The following LYN variants were observed in gnomAD, a reference collection of about 807,000 sequenced individuals.
LYN encodes tyrosine-protein kinase Lyn.
In LYN, 12 loss-of-function variants were observed where a neutral mutation model predicts 65.0. The observed-to-expected ratio is 0.18, with a 90% confidence interval of 0.12 to 0.30. The LOEUF is 0.30. Among genes scored for constraint, LYN ranks in the 10% least tolerant of loss-of-function variants. LYN has a pLI of 1.00. For synonymous variants in LYN, 222 were observed against 221.2 expected, an observed-to-expected ratio of 1.00 and a Z score of -0.03; for missense variants, 380 against 623.2, an observed-to-expected ratio of 0.61 and a Z score of 4.16.
intron 1 of LYN, among the ~76,000 whole-genome samples, chr8:55,901,274 G>GA (rs1805253941): frequency 6.6e-6 from 1 of 152,142 alleles, no homozygotes; most frequent in Non-Finnish European, 1.5e-5. Context: ...TTTAAAACAG[G>GA]AAAATTGATA....
At chr8:55,906,153 CT>C (rs1262394422) in intron 1 of LYN, among the ~76,000 whole-genome samples, 3 of 152,130 alleles carry the variant, frequency 2.0e-5, no homozygotes, top group Non-Finnish European at 4.4e-5. Context: ...TCTGAGCCAT[CT>C]TTTGCCATCT....
chr8:55,971,105 G>C (rs75299198), intron 10 of LYN, among the ~76,000 whole-genome samples: 5,572 of 152,274 alleles, frequency 0.037, 382 homozygotes, highest in African/African-American at 0.13. Context: ...AGCCTAACAG[G>C]TTCCTCATCT....
chr8:55,966,421 G>A (rs1414470301), intron 8 of LYN, among the ~76,000 whole-genome samples: 1 of 150,910 alleles, frequency 6.6e-6, no homozygotes, highest in Non-Finnish European at 1.5e-5. Flanking sequence ...AGGCTGGAAT[G>A]CAATGGTGCG....
intron 10 of LYN, among the ~76,000 whole-genome samples, chr8:55,997,568 AC>A (rs1371419544): frequency 2.6e-5 from 4 of 152,092 alleles, no homozygotes; most frequent in Non-Finnish European, 4.4e-5. Context: ...TGAGGGCTCC[AC>A]CGTCCTGATC....
chr8:55,938,310 C>CTA (rs2130466342), intron 1 of LYN, among the ~76,000 whole-genome samples: 1 of 152,304 alleles, frequency 6.6e-6, no homozygotes, highest in Admixed American at 6.5e-5. Flanking sequence ...GCCTCAGTTA[C>CTA]TATCTTGTTT....
chr8:55,907,805 G>A (rs1015278373), intron 1 of LYN, among the ~76,000 whole-genome samples: 3 of 152,140 alleles, frequency 2.0e-5, no homozygotes, highest in Admixed American at 6.5e-5. Context: ...GGTCGAGGCT[G>A]CAGTGAGCTG....
chr8:55,984,408 C>G (rs78998014), intron 10 of LYN, among the ~76,000 whole-genome samples: 1 of 152,208 alleles, frequency 6.6e-6, no homozygotes, highest in Non-Finnish European at 1.5e-5. Context: ...CCTATTACCC[C>G]CTTTTCCAAA....
At chr8:55,938,993 G>A (rs755818730) in intron 1 of LYN, among the ~76,000 whole-genome samples, 12 of 152,218 alleles carry the variant, frequency 7.9e-5, no homozygotes, top group Non-Finnish European at 1.5e-4. Flanking sequence ...TATTATAAAT[G>A]TGTAATAGAA....
At chr8:55,974,869 G>A (rs1252048526) in intron 10 of LYN, among the ~76,000 whole-genome samples, 5 of 152,132 alleles carry the variant, frequency 3.3e-5, no homozygotes, top group East Asian at 1.9e-4. Flanking sequence ...TTGAGATGTC[G>A]AGTCAGACGT....
intron 1 of LYN, among the ~76,000 whole-genome samples, chr8:55,888,513 G>C (rs1804864874): frequency 1.3e-5 from 2 of 152,318 alleles, no homozygotes; most frequent in Admixed American, 6.5e-5. Context: ...CAAGAGCGAA[G>C]ACACGTTGAA....
chr8:55,921,099 T>A lies in LYN; in HGVS notation c.-5-20756T>A, dbSNP rs117035298. On this transcript the variant is annotated intron_variant, in intron 1 of 12. Coordinates refer to ENST00000519728, the MANE Select transcript of LYN (RefSeq NM_002350.4). ...TGTTTGTTTTCATCGTCTAGATACG[T>A]CTGAAACGAAAACAATTTTGGGAGT... Among the ~76,000 whole-genome samples the A allele has an allele frequency of 2.7e-3, 411 of 152,350 alleles. 3 individuals are homozygous for A. The East Asian group carries it at 0.039, about 14-fold the overall frequency.
chr8:55,928,306 C>T (rs755226563), intron 1 of LYN, among the ~76,000 whole-genome samples: 17 of 152,222 alleles, frequency 1.1e-4, no homozygotes, highest in African/African-American at 2.2e-4. Context: ...CCACCACGCC[C>T]GGCTAGTTTT....
intron 1 of LYN, among the ~76,000 whole-genome samples, chr8:55,931,308 T>C (rs943265224): frequency 6.6e-6 from 1 of 150,552 alleles, no homozygotes; most frequent in Non-Finnish European, 1.5e-5. Context: ...TGTCTATGTA[T>C]TATGTATTAT....
chr8:55,942,887 C>G (rs1585623343), intron 2 of LYN, among the ~76,000 whole-genome samples: 1 of 151,370 alleles, frequency 6.6e-6, no homozygotes, highest in Admixed American at 6.6e-5. Context: ...GCTAATGTGT[C>G]TTTTGTTGTA....
At chr8:55,923,748 C>T (rs1806010099) in intron 1 of LYN, among the ~76,000 whole-genome samples, 2 of 152,112 alleles carry the variant, frequency 1.3e-5, no homozygotes, top group South Asian at 4.1e-4. Flanking sequence ...CCATGTTGGC[C>T]AGGCTGGTCT....
At chr8:55,911,286 T>TATATATATATA (rs1491536693) in intron 1 of LYN, among the ~76,000 whole-genome samples, 5 of 18,816 alleles carry the variant, frequency 2.7e-4, no homozygotes, top group Non-Finnish European at 3.3e-4. Flanking sequence ...TATATATATA[T>TATATATATATA]TTTTTTTTTT....
rs1807666149 is a variant in LYN, at chr8:55,973,524, A to T, written c.1050+3731A>T. 1.3e-5 allele frequency among the ~76,000 whole-genome samples: 2 copies of T among 152,222 alleles called. 1 individual carries two copies. The highest frequency in any genetic ancestry group is 4.1e-4 in the South Asian group (2 of 4,834). ...CCTTGGCTTTTAGGCCCTATGTCAG[A>T]GAAGAAAAATGAACTTGGAAAGAAA... On this transcript the variant is annotated intron_variant, in intron 10 of 12. Coordinates refer to ENST00000519728, the MANE Select transcript of LYN (RefSeq NM_002350.4).
intron 10 of LYN, among the ~76,000 whole-genome samples, chr8:55,997,290 A>G (rs1563328507): frequency 6.6e-6 from 1 of 152,132 alleles, no homozygotes; most frequent in Non-Finnish European, 1.5e-5. Flanking sequence ...ATACCTTAAT[A>G]ATTTATTTGT....
At chr8:55,918,092 C>T (rs866015563) in intron 1 of LYN, among the ~76,000 whole-genome samples, 15 of 152,298 alleles carry the variant, frequency 9.8e-5, no homozygotes, top group African/African-American at 2.4e-4. Context: ...GCTGTGGTAG[C>T]GGCAGCAGCA....
Sources: gnomAD v4.1 joint callset for allele counts (sites outside exome capture counted in the v4.1 genomes callset) on GRCh38, gnomAD v4.1.1 for gene constraint, MANE v1.5 for transcripts, NCBI Gene and HGNC (gene_info 2026-07-23, HGNC 2026-07-21) for gene names.